ADGRL3: variants seen among roughly 807,000 people sequenced by gnomAD.
ADGRL3 encodes adhesion G protein-coupled receptor L3, also known as calcium-independent alpha-latrotoxin receptor 3.
In ADGRL3, 62 loss-of-function variants were observed where a neutral mutation model predicts 153.5. The observed-to-expected ratio is 0.40, with a 90% CI of 0.33 to 0.50. The LOEUF (loss-of-function observed/expected upper bound fraction) is 0.50. ADGRL3 is among the 20% of genes least tolerant of loss of function. ADGRL3 has a pLI of 0.47. For missense variants in ADGRL3, 1,641 were observed against 1,859.4 expected, an observed-to-expected ratio of 0.88 and a Z score of 2.16; for synonymous variants, 710 against 672.5, an observed-to-expected ratio of 1.06 and a Z score of -0.86.
chr4:61,803,783 C>A (rs1043713811), intron 8 of ADGRL3, among the ~76,000 whole-genome samples: 1 of 152,098 alleles, frequency 6.6e-6, no homozygotes, highest in Non-Finnish European at 1.5e-5. Context: ...TAAAATCAAT[C>A]AAACTCTATA....
chr4:61,871,625 A>G (rs145943698), intron 9 of ADGRL3, among the ~76,000 whole-genome samples: 1 of 152,214 alleles, frequency 6.6e-6, no homozygotes, highest in Non-Finnish European at 1.5e-5. Context: ...GTTGGGGAAC[A>G]TGGGGAATGA....
chr4:61,765,510 C>T (rs950368943), intron 8 of ADGRL3, among the ~76,000 whole-genome samples: 2 of 151,850 alleles, frequency 1.3e-5, no homozygotes, highest in Non-Finnish European at 2.9e-5. Context: ...GACAGAGGAC[C>T]GTAAGGGATA....
At chr4:61,392,042 T>G (rs943179635) in intron 2 of ADGRL3, among the ~76,000 whole-genome samples, 15 of 131,242 alleles carry the variant, frequency 1.1e-4, no homozygotes, top group Non-Finnish European at 1.8e-4. Flanking sequence ...TTTTTTTTTT[T>G]GTATTTTTAG....
At chr4:61,520,814 T>G (rs777650045) in intron 4 of ADGRL3, among the ~76,000 whole-genome samples, 3 of 151,790 alleles carry the variant, frequency 2.0e-5, no homozygotes, top group Admixed American at 6.6e-5. Context: ...ACCCAGGGAT[T>G]TTTTTTTCCT....
intron 1 of ADGRL3, among the ~76,000 whole-genome samples, chr4:61,353,281 GTT>G (rs879850142): frequency 3.2e-4 from 48 of 152,048 alleles, no homozygotes; most frequent in Admixed American, 2.5e-3. Flanking sequence ...TATATAATGT[GTT>G]TTATCACAAT....
chr4:62,038,754 G>A (rs1366554427), intron 24 of ADGRL3, among the ~76,000 whole-genome samples: 5 of 152,024 alleles, frequency 3.3e-5, no homozygotes, highest in South Asian at 4.1e-4. Context: ...GACCACAGGC[G>A]TGTGCCACCA....
At chr4:61,790,145 T>C (rs2097324535) in intron 8 of ADGRL3, among the ~76,000 whole-genome samples, 1 of 152,226 alleles carries the variant, frequency 6.6e-6, no homozygotes, top group Non-Finnish European at 1.5e-5. Flanking sequence ...TATCATTATG[T>C]TGGGGTTTCT....
chr4:61,484,193 A>G (rs1015820995), intron 2 of ADGRL3, among the ~76,000 whole-genome samples: 4 of 152,056 alleles, frequency 2.6e-5, no homozygotes, highest in East Asian at 1.9e-4. Flanking sequence ...CTCCAGTTCA[A>G]TTTCTACACT....
At chr4:61,926,645 G>C (rs1333534149) in intron 13 of ADGRL3, among the ~76,000 whole-genome samples, 1 of 152,084 alleles carries the variant, frequency 6.6e-6, no homozygotes, top group Non-Finnish European at 1.5e-5. Flanking sequence ...ACCTCACTGG[G>C]TTATTGTGAA....
intron 1 of ADGRL3, among the ~76,000 whole-genome samples, chr4:61,235,913 TATCAGC>T (rs1752605350): frequency 6.6e-6 from 1 of 152,128 alleles, no homozygotes; most frequent in Non-Finnish European, 1.5e-5. Context: ...CATTTATGTA[TATCAGC>T]TTCTGTGAAC....
intron 1 of ADGRL3, among the ~76,000 whole-genome samples, chr4:61,209,112 C>G (rs1433920455): frequency 6.6e-6 from 1 of 152,074 alleles, no homozygotes; most frequent in African/African-American, 2.4e-5. Context: ...ATTTCTGACC[C>G]AGCCTATCAC....
intron 8 of ADGRL3, among the ~76,000 whole-genome samples, chr4:61,806,954 G>A (rs1295331303): frequency 6.6e-6 from 1 of 151,932 alleles, no homozygotes; most frequent in Non-Finnish European, 1.5e-5. Context: ...ACCCCAAAGA[G>A]ATTTTACTTC....
chr4:61,784,887 AC>A (rs1230337432), intron 8 of ADGRL3, among the ~76,000 whole-genome samples: 1 of 152,092 alleles, frequency 6.6e-6, no homozygotes, highest in African/African-American at 2.4e-5. Flanking sequence ...TAGTTATATA[AC>A]GTTGGGAAAA....
chr4:61,455,279 A>G (rs2097721777), intron 2 of ADGRL3, among the ~76,000 whole-genome samples: 1 of 152,326 alleles, frequency 6.6e-6, no homozygotes, highest in Middle Eastern at 3.4e-3. Flanking sequence ...TCGAAGCAGT[A>G]TGACTAAAAA....
At chr4:61,309,349 C>T (rs2094915492) in intron 1 of ADGRL3, among the ~76,000 whole-genome samples, 1 of 152,096 alleles carries the variant, frequency 6.6e-6, no homozygotes, top group Non-Finnish European at 1.5e-5. Flanking sequence ...TTTTCACTCC[C>T]TCTATCAAGC....
At chr4:61,565,266 C>A (rs1006524198) in intron 4 of ADGRL3, among the ~76,000 whole-genome samples, 1 of 152,116 alleles carries the variant, frequency 6.6e-6, no homozygotes, top group African/African-American at 2.4e-5. Context: ...CTTTTCATAT[C>A]ATCTATTGTA....
intron 1 of ADGRL3, among the ~76,000 whole-genome samples, chr4:61,316,439 G>C (rs2095216950): frequency 6.6e-6 from 1 of 152,158 alleles, no homozygotes; most frequent in African/African-American, 2.4e-5. Context: ...TTGGTCAAAA[G>C]TAGTCATGGT....
At chr4:61,384,448 A>G (rs1285921430) in intron 2 of ADGRL3, among the ~76,000 whole-genome samples, 1 of 150,778 alleles carries the variant, frequency 6.6e-6, no homozygotes, top group African/African-American at 2.4e-5. Context: ...ATATACTACT[A>G]TATTACTATG....
intron 8 of ADGRL3, among the ~76,000 whole-genome samples, chr4:61,738,784 T>A (rs1255638570): frequency 2.6e-5 from 4 of 152,200 alleles, no homozygotes; most frequent in Admixed American, 2.0e-4. Context: ...AATGGTACAA[T>A]CTGTGAAACA....
Sources: gnomAD v4.1 joint callset for allele counts (sites outside exome capture counted in the v4.1 genomes callset) on GRCh38, gnomAD v4.1.1 for gene constraint, MANE v1.5 for transcripts, NCBI Gene and HGNC (gene_info 2026-07-23, HGNC 2026-07-21) for gene names.